Variants in ALCAM observed in about 807,000 individuals in gnomAD.
ALCAM encodes CD166 antigen.
In ALCAM, 30 loss-of-function variants were observed where a neutral mutation model predicts 70.9. That is an observed-to-expected ratio of 0.42 (90% confidence interval 0.32 to 0.57). ALCAM has a LOEUF of 0.57. Among genes scored for constraint, ALCAM ranks in the 20% least tolerant of loss-of-function variants. ALCAM has a pLI of 0.11. For missense variants in ALCAM, 591 were observed against 695.1 expected (o/e 0.85, Z 1.68); for synonymous variants, 249 against 242.5 (o/e 1.03, Z -0.25).
chr3:105,457,295 T>G (rs528989444), intron 1 of ALCAM, among the ~76,000 whole-genome samples: 198 of 152,282 alleles, frequency 1.3e-3, no homozygotes, highest in African/African-American at 4.6e-3. Context: ...TTATCCAGTC[T>G]GTCATTGATG....
At chr3:105,435,883 C>T (rs893332265) in intron 1 of ALCAM, among the ~76,000 whole-genome samples, 10 of 152,086 alleles carry the variant, frequency 6.6e-5, no homozygotes, top group South Asian at 6.2e-4. Context: ...CTCCGCCTCC[C>T]GGGTTCACGC....
intron 1 of ALCAM, among the ~76,000 whole-genome samples, chr3:105,432,663 C>T (rs1444742776): frequency 1.3e-5 from 2 of 152,060 alleles, no homozygotes; most frequent in African/African-American, 4.8e-5. Flanking sequence ...AAACTTAGCA[C>T]AGCGCTTCAC....
intron 3 of ALCAM, among the ~76,000 whole-genome samples, chr3:105,529,676 G>A (rs893764270): frequency 5.3e-5 from 8 of 151,948 alleles, no homozygotes; most frequent in African/African-American, 1.9e-4. Flanking sequence ...CTTTCATCAG[G>A]TTTCCTTAGG....
chr3:105,548,802 T>C lies in ALCAM; in HGVS notation c.1374+1279T>C, dbSNP rs577741245. On this transcript the variant is annotated intron_variant, in intron 11 of 15. Coordinates refer to ENST00000306107, the MANE Select transcript of ALCAM (RefSeq NM_001627.4). ...GGAATAAAGACTTGAACCATCTAAA[T>C]TGCTGACAATGTGCAGATCTATTTT... Among the ~76,000 whole-genome samples, 173 of 151,564 alleles carry C rather than the reference T, an allele frequency of 1.1e-3. 6 individuals are homozygous for C. The South Asian group carries it at 0.034, about 30-fold the overall frequency.
At chr3:105,446,036 A>G (rs1937285621) in intron 1 of ALCAM, among the ~76,000 whole-genome samples, 1 of 152,226 alleles carries the variant, frequency 6.6e-6, no homozygotes, top group South Asian at 2.1e-4. Flanking sequence ...TAAAGAGTGA[A>G]AATAGAACTT....
At chr3:105,386,165 A>G (rs936219033) in intron 1 of ALCAM, among the ~76,000 whole-genome samples, 1 of 151,670 alleles carries the variant, frequency 6.6e-6, no homozygotes, top group African/African-American at 2.4e-5. Flanking sequence ...TGAGTATAAG[A>G]GAGACACAAG....
Position 105,443,943 on chromosome 3 carries a change from T to C in ALCAM, c.74-76124T>C, listed in dbSNP as rs369882120. Among the ~76,000 whole-genome samples the C allele has an allele frequency of 3.9e-4, 59 of 152,318 alleles. No individual in the cohort carries two copies. The East Asian group carries it at 0.011, about 28-fold the overall frequency. ...TGAAGTTTTAATAATGTTTCTTATATGATAAAGAAATTCTAGGGTAATTTT... is the reference window on the plus strand; with the variant it reads ...TGAAGTTTTAATAATGTTTCTTATACGATAAAGAAATTCTAGGGTAATTTT... On this transcript the variant is annotated intron_variant, in intron 1 of 15. Coordinates refer to ENST00000306107, the MANE Select transcript of ALCAM (RefSeq NM_001627.4).
chr3:105,553,108 C>A, intron 14 of ALCAM: 3 of 982,558 alleles, frequency 3.1e-6, no homozygotes, highest in Non-Finnish European at 3.6e-6. Flanking sequence ...ATTATGTCAA[C>A]TTGAGTTTTT....
intron 1 of ALCAM, among the ~76,000 whole-genome samples, chr3:105,395,721 T>C (rs1935934441): frequency 6.6e-6 from 1 of 151,978 alleles, no homozygotes; most frequent in South Asian, 2.1e-4. Flanking sequence ...AAGATATGCA[T>C]CTCTATAATG....
chr3:105,489,892 C>T (rs1938537644), intron 1 of ALCAM, among the ~76,000 whole-genome samples: 2 of 152,170 alleles, frequency 1.3e-5, no homozygotes, highest in Non-Finnish European at 1.5e-5. Flanking sequence ...TTACATATTA[C>T]TTGAACCTGT....
chr3:105,572,001 C>G lies in ALCAM; in HGVS notation c.*25+37C>G, dbSNP rs1264293751. On this transcript the variant is annotated intron_variant, in intron 15 of 15. Coordinates refer to ENST00000306107, the MANE Select transcript of ALCAM (RefSeq NM_001627.4). ...GTACGAGGTTCATAGAAATAATTCC[C>G]TAGCAAGTAGGAAACATCCTTAAAG... is the stretch of plus-strand genomic sequence containing the variant. 4.1e-6 allele frequency: 5 copies of G among 1,208,040 alleles called. No individual in the cohort carries two copies. In the South Asian group the frequency reaches 4.5e-5, roughly 11 times the overall value. 74.8% of individuals were successfully genotyped at this position (1,208,040 alleles called of 1,614,324 possible).
At chr3:105,431,050 C>T (rs899355260) in intron 1 of ALCAM, among the ~76,000 whole-genome samples, 1 of 151,114 alleles carries the variant, frequency 6.6e-6, no homozygotes, top group Non-Finnish European at 1.5e-5. Context: ...AAAATATGCT[C>T]ATGGGCCATT....
rs1338403711 is a variant in ALCAM at position 105,547,537 on chromosome 3, T to C, written c.1374+14T>C. On this transcript the variant is annotated intron_variant, in intron 11 of 15. Transcript: ENST00000306107. ...GTCATAAACCAAGCAAGTATTTGTC[T>C]TCTTGTTATATGCTGCACTTCGTCC... 1 of 1,605,096 alleles carries C rather than the reference T, an allele frequency of 6.2e-7. No individual in the cohort carries two copies. The highest frequency in any genetic ancestry group is 2.2e-5 in the East Asian group (1 of 44,762).
intron 3 of ALCAM, chr3:105,525,426 C>T (rs901933607): frequency 8.8e-6 from 8 of 908,492 alleles, no homozygotes; most frequent in African/African-American, 5.4e-5. Flanking sequence ...ATATTTTAGA[C>T]ACTACAGGGA....
chr3:105,368,223 AAG>A (rs5851454), intron 1 of ALCAM, among the ~76,000 whole-genome samples: 2,529 of 67,778 alleles, frequency 0.037, 67 homozygotes, highest in South Asian at 0.068. Context: ...TGAGTCTTGG[AAG>A]AGAGAGAGAG....
At chr3:105,471,678 A>T (rs974820437) in intron 1 of ALCAM, among the ~76,000 whole-genome samples, 2 of 151,368 alleles carry the variant, frequency 1.3e-5, no homozygotes, top group Non-Finnish European at 3.0e-5. Context: ...TTTTAAATTG[A>T]CATAAAATCA....
At chr3:105,474,220 T>TTTGA (rs1456027765) in intron 1 of ALCAM, among the ~76,000 whole-genome samples, 3 of 151,780 alleles carry the variant, frequency 2.0e-5, no homozygotes, top group Non-Finnish European at 4.4e-5. Context: ...TGCTGTTCTG[T>TTTGA]TACTTGCCCT....
intron 15 of ALCAM, among the ~76,000 whole-genome samples, chr3:105,574,017 A>C (rs1250627030): frequency 2.0e-5 from 3 of 152,192 alleles, no homozygotes; most frequent in African/African-American, 7.2e-5. Context: ...TCAAGTATGC[A>C]GCATTCCCAC....
rs1937282270 is a variant in ALCAM at position 105,445,862 on chromosome 3, A to G, written c.74-74205A>G. Reference sequence around the variant, plus strand: ...TTAAAGGCTGAAATGTAAGATCTGAAATGATAAAACTACTGGAAGGAAACC... The same window carrying G: ...TTAAAGGCTGAAATGTAAGATCTGAGATGATAAAACTACTGGAAGGAAACC... On this transcript the variant is annotated intron_variant, in intron 1 of 15. Coordinates refer to ENST00000306107, the MANE Select transcript of ALCAM (RefSeq NM_001627.4). Among the ~76,000 whole-genome samples, 3 of 152,198 alleles carry G rather than the reference A, an allele frequency of 2.0e-5. No homozygotes were observed. In the South Asian group the frequency reaches 6.2e-4, roughly 31 times the overall value.
Sources: allele counts gnomAD v4.1 joint callset (sites outside exome capture counted in the v4.1 genomes callset), GRCh38; gene constraint gnomAD v4.1.1; transcripts MANE v1.5; gene names NCBI Gene and HGNC (gene_info 2026-07-23, HGNC 2026-07-21).